The following ADGRG6 variants were observed in gnomAD, a reference collection of about 807,000 sequenced individuals.
ADGRG6 encodes the protein G-protein coupled receptor 126.
In ADGRG6, 84 loss-of-function variants were observed where a neutral mutation model predicts 142.4. The ratio of observed to expected loss-of-function variants is 0.59; its 90% confidence interval spans 0.49 to 0.71. ADGRG6 has a LOEUF of 0.71. Among genes scored for constraint, ADGRG6 ranks in the 30% least tolerant of loss-of-function variants. The pLI, the probability that ADGRG6 is intolerant of heterozygous loss-of-function variation, is 0.00. For synonymous variants in ADGRG6, 521 were observed against 520.5 expected (o/e 1.00, Z -0.01); for missense variants, 1,367 against 1,466.6 (o/e 0.93, Z 1.11).
intron 2 of ADGRG6, among the ~76,000 whole-genome samples, chr6:142,348,943 G>T (rs889404170): frequency 3.9e-5 from 6 of 152,026 alleles, no homozygotes; most frequent in African/African-American, 1.4e-4. Context: ...GGGAATACTA[G>T]CACAGTTGGG....
chr6:142,372,852 G>A (rs1309638472), intron 4 of ADGRG6, among the ~76,000 whole-genome samples: 2 of 152,012 alleles, frequency 1.3e-5, no homozygotes, highest in South Asian at 2.1e-4. Context: ...CCATAGACTG[G>A]GACATTATTA....
intron 2 of ADGRG6, among the ~76,000 whole-genome samples, chr6:142,344,828 C>A (rs189880354): frequency 7.2e-5 from 11 of 151,998 alleles, no homozygotes; most frequent in Non-Finnish European, 1.5e-4. Context: ...CAGTATGAGT[C>A]TACAGTTGTG....
chr6:142,355,953 G>A (rs1286540354), intron 2 of ADGRG6, among the ~76,000 whole-genome samples: 2 of 152,202 alleles, frequency 1.3e-5, no homozygotes, highest in African/African-American at 4.8e-5. Context: ...TTGATGTGGA[G>A]GCCCCCTGGG....
intron 2 of ADGRG6, among the ~76,000 whole-genome samples, chr6:142,366,462 A>G (rs1317447143): frequency 3.3e-5 from 5 of 152,136 alleles, no homozygotes; most frequent in Non-Finnish European, 7.4e-5. Flanking sequence ...CTCTCCTCAA[A>G]TGTCACCTCT....
intron 24 of ADGRG6, among the ~76,000 whole-genome samples, chr6:142,440,460 C>A (rs567468436): frequency 6.6e-6 from 1 of 152,030 alleles, no homozygotes; most frequent in South Asian, 2.1e-4. Context: ...CCACACTTGT[C>A]TAATTTTTGT....
intron 2 of ADGRG6, among the ~76,000 whole-genome samples, chr6:142,322,433 G>A (rs1366182194): frequency 6.6e-6 from 1 of 151,962 alleles, no homozygotes; most frequent in African/African-American, 2.4e-5. Flanking sequence ...GTCGGAGGAA[G>A]AGAACCCATT....
At chr6:142,438,403 ATTTTCATTGC>A in intron 24 of ADGRG6, 39 bp downstream of exon 24, 1 of 1,426,436 alleles carries the variant, frequency 7.0e-7, no homozygotes, top group African/African-American at 1.5e-5. Context: ...TTCTCATCAC[ATTTTCATTGC>A]AAAAATTGGC....
intron 14 of ADGRG6, among the ~76,000 whole-genome samples, chr6:142,404,539 G>A (rs1775702137): frequency 6.6e-6 from 1 of 152,058 alleles, no homozygotes; most frequent in Admixed American, 6.6e-5. Flanking sequence ...AGCTATTCAG[G>A]AGGCTGAGGC....
At chr6:142,393,739 G>C (rs1208171264) in intron 8 of ADGRG6, among the ~76,000 whole-genome samples, 157 bp from the exon 9 acceptor site, 1 of 152,092 alleles carries the variant, frequency 6.6e-6, no homozygotes, top group Non-Finnish European at 1.5e-5. Flanking sequence ...GCACACAGTT[G>C]CCTAGCTTTC....
chr6:142,397,764 C>A lies in ADGRG6; in HGVS notation c.1567+9C>A. 1.3e-6 allele frequency: 2 copies of A among 1,522,354 alleles called. No individual in the cohort carries two copies. Among genetic ancestry groups the A allele is most frequent in the Non-Finnish European group, 1.8e-6 (2 of 1,137,182 alleles). The allele number at this position is 1,522,354 out of a possible 1,614,324, so 94.3% of individuals were successfully genotyped here. On this transcript the variant is annotated intron_variant, in intron 10 of 24. Coordinates refer to ENST00000367609, the MANE Select transcript of ADGRG6 (RefSeq NM_198569.3). ...GAATGTGAGACAACTGGGTAAGTGA[C>A]TAATTTTTTTATAATATGCATTTTA...
intron 5 of ADGRG6, among the ~76,000 whole-genome samples, chr6:142,383,474 G>T: frequency 6.6e-6 from 1 of 152,114 alleles, no homozygotes; most frequent in Admixed American, 6.6e-5. Context: ...GCTTGTTAAT[G>T]GAGATCTAGG....
At chr6:142,345,486 G>A (rs1779855941) in intron 2 of ADGRG6, among the ~76,000 whole-genome samples, 1 of 151,982 alleles carries the variant, frequency 6.6e-6, no homozygotes, top group African/African-American at 2.4e-5. Context: ...ATGATCAACT[G>A]TGTTTGAATT....
At chr6:142,422,055 CT>C (rs1290263755) in intron 22 of ADGRG6, among the ~76,000 whole-genome samples, 1 of 152,084 alleles carries the variant, frequency 6.6e-6, no homozygotes. Flanking sequence ...GCAGTATATG[CT>C]TTGTTAAAAG....
intron 6 of ADGRG6, among the ~76,000 whole-genome samples, chr6:142,384,140 A>G (rs1396280021): frequency 1.3e-5 from 2 of 152,150 alleles, no homozygotes; most frequent in African/African-American, 2.4e-5. Flanking sequence ...AATGTGCATC[A>G]TAATAGAGAT....
intron 24 of ADGRG6, among the ~76,000 whole-genome samples, chr6:142,440,107 G>A (rs989515969): frequency 2.0e-5 from 3 of 152,050 alleles, no homozygotes; most frequent in African/African-American, 7.2e-5. Context: ...AAGATAACAA[G>A]GCAGTTAATT....
In ADGRG6 at chr6:142,417,328, C is replaced by A; in HGVS notation, c.2994C>A (p.Val998=). 6.2e-7 allele frequency: 1 copy of A among 1,603,102 alleles called. No homozygotes were observed. Among genetic ancestry groups the A allele is most frequent in the Non-Finnish European group, 8.5e-7 (1 of 1,171,594 alleles). ...VVLASRNNNE[V]YGKESYGKEK... ...TAGCGAGCAGAAACAACAATGAAGT[C>A]TATGGAAAAGAAAGTTATGGGAAAG... Residue 998 remains valine (V), a synonymous_variant, in exon 21 of 25, where the codon GTC becomes GTA. Transcript: ENST00000367609.
chr6:142,402,814 C>T lies in ADGRG6; in HGVS notation c.1939C>T (p.Leu647Phe). The change falls in exon 13 of 25, where the codon CTT becomes TTT. Residue 647 changes from leucine (L) to phenylalanine (F), a missense_variant. Around this residue, in one of 3 missense-constraint regions of ADGRG6, gnomAD observed 286 missense variants for 371.4 expected, o/e 0.77. Coordinates refer to ENST00000367609, the MANE Select transcript of ADGRG6 (RefSeq NM_198569.3). ...CTTAAGCAGTTCAGACAGTGACTTG[C>T]TTGAGTCATCTTCTGAGTAAGTATT... ...NILSSSDSDL[L>F]ESSSEALKTI... is the part of the protein sequence containing the mutation. 2 of 1,564,396 alleles carry T rather than the reference C, an allele frequency of 1.3e-6. No individual in the cohort carries two copies. The highest frequency in any genetic ancestry group is 1.7e-6 in the Non-Finnish European group (2 of 1,147,646).
chr6:142,326,783 G>A (rs1417096469), intron 2 of ADGRG6, among the ~76,000 whole-genome samples: 3 of 152,152 alleles, frequency 2.0e-5, no homozygotes, highest in Admixed American at 6.6e-5. Context: ...GTTAAGTGAG[G>A]GTTAAGGGTG....
intron 24 of ADGRG6, chr6:142,440,992 G>C (rs772762028): frequency 1.7e-6 from 2 of 1,167,730 alleles, no homozygotes; most frequent in East Asian, 5.4e-5. Flanking sequence ...TGAATTTTTT[G>C]CAAGGTAATA....
Sources: gnomAD v4.1 joint callset for allele counts (sites outside exome capture counted in the v4.1 genomes callset) on GRCh38, gnomAD v4.1.1 for gene constraint, gnomAD v4.1.1 regional missense constraint, MANE v1.5 for transcripts, NCBI Gene and HGNC (gene_info 2026-07-23, HGNC 2026-07-21) for gene names.